Variants in PPP4R1 observed in about 807,000 individuals in gnomAD.
PPP4R1 encodes serine/threonine-protein phosphatase 4 regulatory subunit 1.
A neutral mutation model predicts 111.2 loss-of-function variants in PPP4R1; 42 were observed. The ratio of observed to expected loss-of-function variants is 0.38; its 90% CI spans 0.29 to 0.49. PPP4R1 has a LOEUF of 0.49. Ranked by LOEUF, PPP4R1 falls within the 20% of genes least tolerant of loss-of-function variation. The pLI is 0.97. For synonymous variants in PPP4R1, 409 were observed against 405.5 expected, an observed-to-expected ratio of 1.01 and a Z score of -0.10; for missense variants, 1,012 against 1,161.6, an observed-to-expected ratio of 0.87 and a Z score of 1.87.
At chr18:9,554,167 G>A (rs2144992173) in intron 15 of PPP4R1, among the ~76,000 whole-genome samples, 1 of 150,668 alleles carries the variant, frequency 6.6e-6, no homozygotes, top group East Asian at 1.9e-4. Flanking sequence ...TCACTCTGTG[G>A]TCCAGGCTGG....
chr18:9,582,466 T>C (rs1286930760), intron 9 of PPP4R1, among the ~76,000 whole-genome samples: 1 of 152,052 alleles, frequency 6.6e-6, no homozygotes, highest in Non-Finnish European at 1.5e-5. Flanking sequence ...ATACAAACTA[T>C]GAAAACTGAC....
chr18:9,582,559 A>G (rs2067047014), intron 9 of PPP4R1, among the ~76,000 whole-genome samples: 1 of 152,300 alleles, frequency 6.6e-6, no homozygotes, highest in African/African-American at 2.4e-5. Context: ...AGAAAAGCCC[A>G]GGCCCAGACG....
At chr18:9,577,775 T>C (rs924613238) in intron 9 of PPP4R1, among the ~76,000 whole-genome samples, 1 of 152,148 alleles carries the variant, frequency 6.6e-6, no homozygotes, top group Non-Finnish European at 1.5e-5. Flanking sequence ...CTATGAAACA[T>C]TTGCATAGAA....
chr18:9,596,479 T>C lies in PPP4R1; in HGVS notation c.53-1326A>G, dbSNP rs183624455. Among the ~76,000 whole-genome samples, 161 of 152,360 alleles carry C rather than the reference T, an allele frequency of 1.1e-3. 2 individuals are homozygous for C. Among genetic ancestry groups the C allele is most frequent in the African/African-American group, 3.8e-3 (157 of 41,588 alleles). ...TCTCTAGAGTAAGTTATTGGCTCCA[T>C]GAGGACAGAAATTTTTATCCCATAC... On this transcript the variant is annotated intron_variant, in intron 2 of 19. Transcript: ENST00000400556.
At chr18:9,567,847 C>A (rs2066794199) in intron 11 of PPP4R1, among the ~76,000 whole-genome samples, 1 of 152,186 alleles carries the variant, frequency 6.6e-6, no homozygotes, top group Non-Finnish European at 1.5e-5. Context: ...CCTTCAGCAA[C>A]CACTGCCCTG....
intron 10 of PPP4R1, among the ~76,000 whole-genome samples, chr18:9,574,343 G>T (rs1039008625): frequency 1.3e-5 from 2 of 152,136 alleles, no homozygotes; most frequent in Non-Finnish European, 2.9e-5. Flanking sequence ...ATTTCAAGGA[G>T]AAAATGACTT....
intron 16 of PPP4R1, 52 bp from the exon 17 acceptor site, chr18:9,550,450 G>T (rs760995279): frequency 2.6e-6 from 4 of 1,526,338 alleles, no homozygotes; most frequent in Non-Finnish European, 3.6e-6. Flanking sequence ...CGAGACAAAT[G>T]AAAATAGGTT....
chr18:9,614,208 C>T lies in PPP4R1; in HGVS notation c.52+18G>A, dbSNP rs377081511. ...CTCCCCGCGGACTGCCAGGCCACCG[C>T]GAGGCCGGGCCACTCACATCCGTCT... is the stretch of plus-strand genomic sequence containing the variant. On this transcript the variant is annotated intron_variant, in intron 2 of 19. Coordinates refer to ENST00000400556, the MANE Select transcript of PPP4R1 (RefSeq NM_001042388.3). The surrounding 1 kb of genome is among the most constrained non-coding windows in gnomAD (Gnocchi z 4.1). 2.9e-5 allele frequency: 39 copies of T among 1,357,686 alleles called. No homozygotes were observed. The highest frequency in any genetic ancestry group is 3.6e-5 in the Non-Finnish European group (37 of 1,041,466). 84.1% of individuals were successfully genotyped at this position (1,357,686 alleles called of 1,614,324 possible). A position where few individuals can be genotyped will look rare whatever the true frequency, so the allele number is the denominator to read the frequency against.
At chr18:9,613,969 G>A (rs914685641) in intron 2 of PPP4R1, 4 of 262,554 alleles carry the variant, frequency 1.5e-5, no homozygotes, top group East Asian at 6.2e-5. Flanking sequence ...ATTCGGGGGC[G>A]CCGGGAGAAG....
chr18:9,596,321 T>A (rs2067289193), intron 2 of PPP4R1, among the ~76,000 whole-genome samples: 1 of 152,198 alleles, frequency 6.6e-6, no homozygotes, highest in South Asian at 2.1e-4. Context: ...CCCAAAGCCC[T>A]AAGAGCTTTC....
intron 6 of PPP4R1, among the ~76,000 whole-genome samples, chr18:9,587,800 C>A (rs1487717387): frequency 2.6e-5 from 4 of 151,924 alleles, no homozygotes; most frequent in Non-Finnish European, 5.9e-5. Context: ...ACAACCTCCA[C>A]CTCCTCCCAG....
At position 9,594,592 on chromosome 18, in the gene PPP4R1, G is replaced by A. The variant is rs76644729; in HGVS notation, c.188+426C>T. 2.6e-3 allele frequency: 407 copies of A among 155,752 alleles called. 14 individuals are homozygous for A. In the East Asian group the frequency reaches 0.069, roughly 26 times the overall value. The allele number at this position is 155,752 out of a possible 1,614,324, so 9.6% of individuals were successfully genotyped here. A position where few individuals can be genotyped will look rare whatever the true frequency, so the allele number is the denominator to read the frequency against. On this transcript the variant is annotated intron_variant, in intron 3 of 19. Transcript: ENST00000400556. Reference sequence around the variant, plus strand: ...TTTCCCAGAAAAGTGTGATATAGGTGGTCTGGGATCATGGCTGGACAAACA... The same window carrying A: ...TTTCCCAGAAAAGTGTGATATAGGTAGTCTGGGATCATGGCTGGACAAACA...
chr18:9,589,727 G>C (rs1261799824), intron 4 of PPP4R1: 1 of 152,126 alleles, frequency 6.6e-6, no homozygotes, highest in Non-Finnish European at 1.5e-5. Flanking sequence ...GGTGAACCCT[G>C]TCTCTACTAA....
intron 2 of PPP4R1, among the ~76,000 whole-genome samples, chr18:9,605,434 A>C (rs544055369): frequency 6.6e-6 from 1 of 152,204 alleles, no homozygotes; most frequent in East Asian, 1.9e-4. Flanking sequence ...TACAATAGGA[A>C]AAACAGAATC....
intron 4 of PPP4R1, among the ~76,000 whole-genome samples, chr18:9,591,579 T>C (rs1237816079): frequency 6.6e-6 from 1 of 152,188 alleles, no homozygotes; most frequent in Non-Finnish European, 1.5e-5. Flanking sequence ...TTGTCTAAAC[T>C]AAGGATACAT....
chr18:9,559,088 C>T (rs2066632992), intron 14 of PPP4R1, among the ~76,000 whole-genome samples: 1 of 152,160 alleles, frequency 6.6e-6, no homozygotes, highest in Non-Finnish European at 1.5e-5. Context: ...ATTTATAATA[C>T]TATTTCTAGG....
chr18:9,594,799 G>A, intron 3 of PPP4R1: 1 of 426,148 alleles, frequency 2.3e-6, no homozygotes, highest in Non-Finnish European at 3.9e-6. Context: ...GTAATTAATG[G>A]TAATTTTTTT....
At chr18:9,576,784 A>G (rs1327571462) in intron 10 of PPP4R1, among the ~76,000 whole-genome samples, 5 of 152,300 alleles carry the variant, frequency 3.3e-5, no homozygotes, top group Admixed American at 2.6e-4. Flanking sequence ...ACATTTTTTA[A>G]AAGTCATAAT....
chr18:9,614,435 G>T lies in PPP4R1; in HGVS notation c.7+43C>A. 9.8e-7 allele frequency: 1 copy of T among 1,022,346 alleles called. No individual in the cohort carries two copies. The highest frequency in any genetic ancestry group is 1.2e-6 in the Non-Finnish European group (1 of 855,088). The allele number at this position is 1,022,346 out of a possible 1,614,324, so 63.3% of individuals were successfully genotyped here. A position where few individuals can be genotyped will look rare whatever the true frequency, so the allele number is the denominator to read the frequency against. The stretch of plus-strand genomic sequence containing the variant: ...CAGGGCTGCGGCGGAGGGCGGGTGG[G>T]CTCGAGGAGCCGCCGCCGCCCGGAG... On this transcript the variant is annotated intron_variant, in intron 1 of 19. Coordinates refer to ENST00000400556, the MANE Select transcript of PPP4R1 (RefSeq NM_001042388.3). The surrounding 1 kb of genome is among the most constrained non-coding windows in gnomAD (Gnocchi z 4.1).
Sources: gnomAD v4.1 joint callset for allele counts (sites outside exome capture counted in the v4.1 genomes callset) on GRCh38, gnomAD v4.1.1 for gene constraint, Gnocchi (gnomAD v3.1) non-coding constraint, MANE v1.5 for transcripts, NCBI Gene and HGNC (gene_info 2026-07-23, HGNC 2026-07-21) for gene names.